The following URGCP variants were observed in gnomAD, a reference collection of about 807,000 sequenced individuals.
URGCP encodes up-regulator of cell proliferation.
In URGCP, 13 loss-of-function variants were observed where a neutral mutation model predicts 24.6. That is an observed-to-expected ratio of 0.53 (90% CI 0.34 to 0.84). The LOEUF (loss-of-function observed/expected upper bound fraction) is 0.84, where lower values mean the gene tolerates loss of function less well. Ranked by LOEUF, URGCP falls within the 40% of genes least tolerant of loss-of-function variation. The pLI, the probability that URGCP is intolerant of heterozygous loss-of-function variation, is 0.01. For missense variants in URGCP, 899 were observed against 1,194.3 expected (o/e 0.75, Z 3.64); for synonymous variants, 444 against 487.2 (o/e 0.91, Z 1.17).
chr7:43,916,873 C>A (rs1330932173), intron 1 of URGCP, among the ~76,000 whole-genome samples: 2 of 151,910 alleles, frequency 1.3e-5, no homozygotes, highest in Non-Finnish European at 2.9e-5. Context: ...AGAAGGGAAC[C>A]AGGGACGCCT....
intron 5 of URGCP, among the ~76,000 whole-genome samples, chr7:43,879,482 A>C (rs985759055): frequency 1.3e-5 from 2 of 152,232 alleles, no homozygotes; most frequent in Non-Finnish European, 2.9e-5. Flanking sequence ...ACCTAACCAC[A>C]GATATATGTG....
intron 1 of URGCP, chr7:43,919,537 A>G: frequency 7.3e-7 from 1 of 1,365,768 alleles, no homozygotes; most frequent in Non-Finnish European, 1.0e-6. Flanking sequence ...ACTATGGACC[A>G]ATCAGTGGCC....
Position 43,878,869 on chromosome 7 carries a change from C to T in URGCP, c.594G>A (p.Leu198=). The T allele has an allele frequency of 6.2e-7, 1 of 1,614,188 alleles. No individual in the cohort carries two copies. Among genetic ancestry groups the T allele is most frequent in the Non-Finnish European group, 8.5e-7 (1 of 1,180,034 alleles). The change falls in exon 6 of 6, where the codon CTG becomes CTA. Residue 198 remains leucine, a synonymous_variant. Coordinates refer to ENST00000453200, the MANE Select transcript of URGCP (RefSeq NM_001077663.3). This position sits in a 1 kb window ranked among gnomAD's most constrained non-coding sequence, Gnocchi z 5.6. ...CALLLSSDSF[L]QQEIALKMAL... is the part of the protein sequence containing the mutation. Reference sequence around the variant, plus strand: ...CCATTTTCAACGCTATTTCTTGTTGCAGGAAACTGTCTGAGGAGAGCAGCA... The same window carrying T: ...CCATTTTCAACGCTATTTCTTGTTGTAGGAAACTGTCTGAGGAGAGCAGCA...
At chr7:43,917,679 T>G (rs1187937014) in intron 1 of URGCP, among the ~76,000 whole-genome samples, 4 of 152,220 alleles carry the variant, frequency 2.6e-5, no homozygotes, top group Non-Finnish European at 5.9e-5. Flanking sequence ...TTGGTAATGT[T>G]CAGAAGCCAG....
At chr7:43,881,840 T>TTATC in intron 4 of URGCP, 67 bp downstream of exon 4, 9 of 1,604,690 alleles carry the variant, frequency 5.6e-6, no homozygotes, top group African/African-American at 1.3e-5. Context: ...AAAATCCCGG[T>TTATC]TATCTGTCAC....
At chr7:43,905,350 C>T (rs1304948991) in intron 1 of URGCP, among the ~76,000 whole-genome samples, 3 of 152,058 alleles carry the variant, frequency 2.0e-5, no homozygotes, top group Non-Finnish European at 4.4e-5. Flanking sequence ...CCTGGCCTTC[C>T]CAGGGATGGT....
chr7:43,914,812 G>C (rs1043289956), intron 1 of URGCP, among the ~76,000 whole-genome samples: 1 of 152,078 alleles, frequency 6.6e-6, no homozygotes, highest in Non-Finnish European at 1.5e-5. Context: ...TTCTTTGTAG[G>C]TTTTCTATCT....
At chr7:43,905,820 C>CA (rs913822745) in intron 1 of URGCP, 1 of 151,910 alleles carries the variant, frequency 6.6e-6, no homozygotes, top group Admixed American at 6.6e-5. Context: ...AAACAAAAAA[C>CA]AAAAAAATAA....
chr7:43,881,194 G>A, intron 5 of URGCP: 1 of 702,758 alleles, frequency 1.4e-6, no homozygotes, highest in Non-Finnish European at 2.6e-6. Context: ...AAAAGGCAAT[G>A]GGAAAAAGAC....
chr7:43,919,696 TCCA>T (rs2095919916), intron 1 of URGCP: 10 of 1,375,746 alleles, frequency 7.3e-6, no homozygotes, highest in Non-Finnish European at 1.0e-5. Context: ...CCCACCCAGG[TCCA>T]CAAGAGCCTG....
chr7:43,883,198 C>T lies in URGCP; in HGVS notation c.113-1241G>A, dbSNP rs1585794474. Among the ~76,000 whole-genome samples, 8 of 151,434 alleles carry T rather than the reference C, an allele frequency of 5.3e-5. No individual in the cohort carries two copies. In the South Asian group the frequency reaches 1.5e-3, roughly 28 times the overall value. On this transcript the variant is annotated intron_variant, in intron 3 of 5. Transcript: ENST00000453200. ...AACTCTAGATTTGCTTGCAAGCACA[C>T]AATATAAAGGAGCGAACAGGAGGCT... is the stretch of plus-strand genomic sequence containing the variant.
intron 1 of URGCP, among the ~76,000 whole-genome samples, chr7:43,900,496 A>G (rs1030561310): frequency 6.6e-6 from 1 of 152,034 alleles, no homozygotes; most frequent in African/African-American, 2.4e-5. Flanking sequence ...AGAAAAAGAA[A>G]AAAAGTCACA....
chr7:43,913,660 A>T (rs1042349952), intron 1 of URGCP, among the ~76,000 whole-genome samples: 1 of 151,968 alleles, frequency 6.6e-6, no homozygotes, highest in Non-Finnish European at 1.5e-5. Context: ...CACTTTCAAG[A>T]TTCTCTGTTT....
At chr7:43,907,461 C>A (rs1028393121), upstream of URGCP, among the ~76,000 whole-genome samples, 1 of 151,984 alleles carries the variant, frequency 6.6e-6, no homozygotes, top group Middle Eastern at 3.4e-3. Context: ...ATTGAGATGA[C>A]CCCCTGCCCG....
Position 43,925,174 on chromosome 7 carries a change from A to T in URGCP, c.-116+958T>A, listed in dbSNP as rs77709061. ...GTGTGGTAAGCTTTATATTTCAGAC[A>T]GTTCATGAAGTTGTGTGGAGGACAG... On this transcript the variant is annotated intron_variant, in intron 1 of 5. Coordinates refer to the URGCP transcript ENST00000426198. Among the ~76,000 whole-genome samples the T allele has an allele frequency of 9.0e-3, 1,375 of 152,262 alleles. 8 individuals carry two copies. Among genetic ancestry groups the T allele is most frequent in the Non-Finnish European group, 0.013 (915 of 68,016 alleles).
rs2095863756 is a variant in URGCP at position 43,887,421 on chromosome 7, T to C, written c.106A>G (p.Ile36Val). 1 of 1,613,496 alleles carries C rather than the reference T, an allele frequency of 6.2e-7. No homozygotes were observed. Among genetic ancestry groups the C allele is most frequent in the Non-Finnish European group, 8.5e-7 (1 of 1,179,678 alleles). The change falls in exon 3 of 6, where the codon ATT becomes GTT. Residue 36 changes from isoleucine (I) to valine (V), a missense_variant. Coordinates refer to ENST00000453200, the MANE Select transcript of URGCP (RefSeq NM_001077663.3). The part of the protein sequence containing the change: ...KASERRTAVA[I>V]ADLEWREMEG... ...CCAATTCATCCAACTTTACCTGCAA[T>C]GGCCACAGCTGTTCGTCTCTCTGAT... is the stretch of plus-strand genomic sequence containing the variant.
At chr7:43,887,712 C>A in intron 2 of URGCP, 78 bp downstream of exon 2, 2 of 1,525,806 alleles carry the variant, frequency 1.3e-6, no homozygotes, top group South Asian at 2.5e-5. Context: ...AAACACTGGT[C>A]TAGAAAACCA....
upstream of URGCP, among the ~76,000 whole-genome samples, chr7:43,910,260 G>A (rs2132721812): frequency 6.6e-6 from 1 of 152,252 alleles, no homozygotes; most frequent in South Asian, 2.1e-4. Context: ...CTGTTGCCCA[G>A]GCTGAAGTGC....
chr7:43,896,604 A>G (rs1258692206), intron 1 of URGCP, among the ~76,000 whole-genome samples: 1 of 152,190 alleles, frequency 6.6e-6, no homozygotes. Context: ...AGTACTGTGT[A>G]AGTTTCCCCA....
Sources: allele counts gnomAD v4.1 joint callset (sites outside exome capture counted in the v4.1 genomes callset), GRCh38; gene constraint gnomAD v4.1.1; non-coding constraint Gnocchi (gnomAD v3.1); transcripts MANE v1.5; gene names NCBI Gene and HGNC (gene_info 2026-07-23, HGNC 2026-07-21).